KLRG1: variants seen among roughly 807,000 people sequenced by gnomAD.
KLRG1 encodes the protein killer cell lectin-like receptor subfamily G member 1.
KLRG1 carries 16 observed loss-of-function variants against 21.8 expected under a neutral mutation model. That is an observed-to-expected ratio of 0.73 (90% confidence interval 0.50 to 1.11). KLRG1 has a LOEUF of 1.11. KLRG1 is among the 50% of genes most tolerant of loss of function. The pLI is 0.00. For missense variants in KLRG1, 173 were observed against 218.3 expected, an observed-to-expected ratio of 0.79 and a Z score of 1.31; for synonymous variants, 69 against 75.9, an observed-to-expected ratio of 0.91 and a Z score of 0.47.
intron 1 of KLRG1, chr12:8,950,310 T>G (rs1946174595): frequency 6.6e-6 from 1 of 152,216 alleles, no homozygotes; most frequent in Non-Finnish European, 1.5e-5. Flanking sequence ...GGTATTTTGC[T>G]TGATAAGCAT....
chr12:9,123,013 T>C, the KLRG1 span, among the ~76,000 whole-genome samples: 33 of 152,302 alleles, frequency 2.2e-4, 2 homozygotes, highest in South Asian at 3.9e-3. Context: ...AGAAGTGGTA[T>C]AGACTGCTAA....
chr12:9,069,910 G>A, the KLRG1 span: 1 of 1,007,302 alleles, frequency 9.9e-7, no homozygotes, highest in South Asian at 1.4e-5. Context: ...AACCCTGAGG[G>A]TAGAATTCTT....
the KLRG1 span, among the ~76,000 whole-genome samples, chr12:9,072,044 A>G: frequency 1.2e-4 from 19 of 152,274 alleles, no homozygotes; most frequent in African/African-American, 4.6e-4. Flanking sequence ...CTTCATCTCT[A>G]TCTTCAATAA....
intron 4 of KLRG1, 68 bp downstream of exon 4, chr12:9,009,143 G>T: frequency 8.2e-7 from 1 of 1,217,492 alleles, no homozygotes; most frequent in Non-Finnish European, 1.2e-6. Flanking sequence ...ATGATACTTG[G>T]GGAATAGATA....
the KLRG1 span, among the ~76,000 whole-genome samples, chr12:9,061,121 T>A: frequency 1.3e-5 from 2 of 152,192 alleles, no homozygotes; most frequent in Non-Finnish European, 2.9e-5. Flanking sequence ...TTTTATTTTT[T>A]ATTTTTTTAT....
the KLRG1 span, chr12:9,101,483 G>A: frequency 1.2e-6 from 2 of 1,613,826 alleles, no homozygotes; most frequent in East Asian, 2.2e-5. Context: ...GCCCCAGCAG[G>A]GTGCCTCCAT....
the KLRG1 span, among the ~76,000 whole-genome samples, chr12:9,186,488 G>A: frequency 1.3e-5 from 2 of 152,150 alleles, no homozygotes; most frequent in Non-Finnish European, 2.9e-5. Context: ...AGACTCAGTG[G>A]TATGCCGTCT....
the KLRG1 span, chr12:9,157,494 T>C: frequency 4.7e-6 from 4 of 850,634 alleles, no homozygotes; most frequent in East Asian, 1.1e-4. Context: ...CATATTTAAA[T>C]AGAAAAATAT....
chr12:9,156,747 G>A, the KLRG1 span, among the ~76,000 whole-genome samples: 1 of 152,130 alleles, frequency 6.6e-6, no homozygotes, highest in Admixed American at 6.6e-5. Flanking sequence ...ATCTCACAAT[G>A]TATGACTTGG....
the KLRG1 span, among the ~76,000 whole-genome samples, chr12:9,132,051 A>G: frequency 6.6e-6 from 1 of 152,182 alleles, no homozygotes; most frequent in Non-Finnish European, 1.5e-5. Context: ...ATACCCCTGA[A>G]TGTCCTTCCT....
chr12:9,177,689 C>T, the KLRG1 span, among the ~76,000 whole-genome samples: 14 of 152,284 alleles, frequency 9.2e-5, no homozygotes, highest in East Asian at 2.1e-3. Flanking sequence ...TTATTCAAAG[C>T]GACCACGCTT....
At chr12:9,015,618 C>T (rs1014807301), downstream of KLRG1, among the ~76,000 whole-genome samples, 1 of 152,152 alleles carries the variant, frequency 6.6e-6, no homozygotes, top group Non-Finnish European at 1.5e-5. Context: ...AGAACATCAA[C>T]AAAGAAACAT....
chr12:9,115,817 C>T, the KLRG1 span: 1 of 1,613,498 alleles, frequency 6.2e-7, no homozygotes, highest in African/African-American at 1.3e-5. Flanking sequence ...GGAGAAGAAC[C>T]AGACTTGGAT....
At chr12:8,992,374 C>A in intron 2 of KLRG1, 64 bp downstream of exon 2, 1 of 1,180,846 alleles carries the variant, frequency 8.5e-7, no homozygotes, top group Non-Finnish European at 1.2e-6. Context: ...TATAACATAG[C>A]AGAAGCTTTG....
the KLRG1 span, chr12:9,077,289 C>G: frequency 2.0e-6 from 3 of 1,466,692 alleles, no homozygotes; most frequent in East Asian, 6.9e-5. Context: ...GACAGCAGGT[C>G]AGCAGTTTCA....
At position 8,992,254 on chromosome 12, in the gene KLRG1, G is replaced by T; in HGVS notation, c.131G>T (p.Gly44Val). 6.2e-7 allele frequency: 1 copy of T among 1,613,854 alleles called. No individual in the cohort carries two copies. The highest frequency in any genetic ancestry group is 8.5e-7 in the Non-Finnish European group (1 of 1,179,874). The change falls in exon 2 of 5, where the codon GGG becomes GTG. Residue 44 changes from glycine (G) to valine (V), a missense_variant. By Grantham distance (109) the Gly-to-Val change is moderately radical (BLOSUM62 -3). Around this residue, in one of 3 missense-constraint regions of KLRG1, gnomAD observed 144 missense variants for 161.5 expected, o/e 0.89. Transcript: ENST00000356986. ...SCSCLVAIAL[G>V]LLTAVLLSVL... ...TCTTGCCTTGTGGCAATAGCTTTGG[G>T]GCTTCTGACTGCAGTTCTTCTGAGT...
At chr12:9,138,008 A>G in the KLRG1 span, among the ~76,000 whole-genome samples, 1 of 152,006 alleles carries the variant, frequency 6.6e-6, no homozygotes, top group African/African-American at 2.4e-5. Context: ...GTAGGCTTTA[A>G]TTTATTTTTC....
At chr12:9,080,027 T>G in the KLRG1 span, 1 of 1,079,124 alleles carries the variant, frequency 9.3e-7, no homozygotes, top group South Asian at 1.9e-5. Flanking sequence ...AGTAAATATT[T>G]ATGGGAAATA....
the KLRG1 span, among the ~76,000 whole-genome samples, chr12:9,071,868 GGA>G: frequency 1.3e-5 from 2 of 152,102 alleles, no homozygotes; most frequent in Admixed American, 1.3e-4. Flanking sequence ...ATATGTTTGT[GGA>G]GAGAGAGTTT....
Sources: allele counts gnomAD v4.1 joint callset (sites outside exome capture counted in the v4.1 genomes callset), GRCh38; gene constraint gnomAD v4.1.1; regional missense constraint gnomAD v4.1.1; transcripts MANE v1.5; gene names NCBI Gene and HGNC (gene_info 2026-07-23, HGNC 2026-07-21).